DHX57: variants seen among roughly 807,000 people sequenced by gnomAD.
DHX57 encodes putative ATP-dependent RNA helicase DHX57.
In DHX57, 105 loss-of-function variants were observed where a neutral mutation model predicts 156.2. The ratio of observed to expected loss-of-function variants is 0.67; its 90% CI spans 0.57 to 0.79. The LOEUF (loss-of-function observed/expected upper bound fraction) is 0.79. Ranked by LOEUF, DHX57 falls within the 30% of genes least tolerant of loss-of-function variation. DHX57 has a pLI of 0.00. For missense variants in DHX57, 1,847 were observed against 1,661.9 expected, an observed-to-expected ratio of 1.11 and a Z score of -1.94; for synonymous variants, 704 against 595.6, an observed-to-expected ratio of 1.18 and a Z score of -2.65.
At chr2:38,827,866 A>T (rs2124822203) in intron 14 of DHX57, among the ~76,000 whole-genome samples, 2 of 151,952 alleles carry the variant, frequency 1.3e-5, no homozygotes, top group South Asian at 4.2e-4. Context: ...AGTGAAGAGA[A>T]TTTTTTTGAA....
chr2:38,804,477 G>C (rs1459858989), intron 22 of DHX57, among the ~76,000 whole-genome samples: 1 of 152,118 alleles, frequency 6.6e-6, no homozygotes, highest in Non-Finnish European at 1.5e-5. Context: ...GTGACAGAGA[G>C]AGACTCTGTC....
intron 21 of DHX57, among the ~76,000 whole-genome samples, chr2:38,807,915 G>C (rs909669809): frequency 6.7e-6 from 1 of 149,210 alleles, no homozygotes; most frequent in African/African-American, 2.5e-5. Context: ...CAAAGTGCTG[G>C]GATTACAGGC....
Position 38,861,083 on chromosome 2 carries a change from G to T in DHX57, c.1327C>A (p.Pro443Thr), listed in dbSNP as rs1317125445. The T allele has an allele frequency of 5.6e-6, 9 of 1,614,208 alleles. No individual in the cohort carries two copies. Among genetic ancestry groups the T allele is most frequent in the Non-Finnish European group, 7.6e-6 (9 of 1,180,032 alleles). ...GGATTATTTATTCTGGTCCTAGAGG[G>T]TACTGGCAGAAAGTTCACAGGAGGG... Reference protein sequence around the residue: ...SDPPVNFLPVPSRTRINNPAC... With the variant: ...SDPPVNFLPVTSRTRINNPAC... The change falls in exon 5 of 24, where the codon CCC becomes ACC. Residue 443 changes from proline (P) to threonine (T), a missense_variant. Coordinates refer to ENST00000457308, the MANE Select transcript of DHX57 (RefSeq NM_198963.3).
At chr2:38,812,752 C>T (rs1278194733) in intron 21 of DHX57, among the ~76,000 whole-genome samples, 4 of 151,574 alleles carry the variant, frequency 2.6e-5, no homozygotes, top group Admixed American at 2.0e-4. Context: ...AGGCTGGCCT[C>T]GAACTCCTGA....
rs766513393 is a variant in DHX57 at position 38,815,513 on chromosome 2, T to C, written c.3606+8A>G. 39 of 1,613,990 alleles carry C rather than the reference T, an allele frequency of 2.4e-5. No individual in the cohort carries two copies. Among genetic ancestry groups the C allele is most frequent in the Non-Finnish European group, 3.3e-5 (39 of 1,179,896 alleles). ...AAGAGAAATGAGAACCAACTCCACA[T>C]TCTTTACCTCTTCTCCTGTGGCATC... On this transcript the variant is annotated splice_region_variant and intron_variant, in intron 20 of 23. Transcript: ENST00000457308.
At chr2:38,838,454 C>A (rs1231902330) in intron 12 of DHX57, among the ~76,000 whole-genome samples, 3 of 152,132 alleles carry the variant, frequency 2.0e-5, no homozygotes, top group East Asian at 3.9e-4. Flanking sequence ...TTTGCTTGAA[C>A]AATGACCCAA....
chr2:38,848,296 T>G lies in DHX57; in HGVS notation c.2137A>C (p.Asn713His). 6.2e-7 allele frequency: 1 copy of G among 1,607,780 alleles called. No individual in the cohort carries two copies. The highest frequency in any genetic ancestry group is 8.5e-7 in the Non-Finnish European group (1 of 1,177,746). ...GGTATAGTAATAACGGGGCAGGAAT[T>G]AAAATAGTCTGAAAAAAGCTCAGCG... ...LNAELFSDYF[N>H]SCPVITIPGR... is the part of the protein sequence containing the mutation. Residue 713 changes from asparagine to histidine, a missense_variant, in exon 10 of 24, where the codon AAT becomes CAT. Physicochemically the swap from Asn to His is moderately conservative, Grantham distance 68. Transcript: ENST00000457308.
Position 38,856,402 on chromosome 2 carries a change from T to A in DHX57, c.1647A>T (p.Glu549Asp), listed in dbSNP as rs761103993. The A allele has an allele frequency of 5.6e-6, 9 of 1,613,968 alleles. No homozygotes were observed. In the African/African-American group the frequency reaches 1.1e-4, roughly 19 times the overall value. The change falls in exon 7 of 24, where the codon GAA becomes GAT. Residue 549 changes from glutamate to aspartate, a missense_variant. Coordinates refer to ENST00000457308, the MANE Select transcript of DHX57 (RefSeq NM_198963.3). Reference protein sequence around the residue: ...QERQSLPAWEERETILNLLRK... With the variant: ...QERQSLPAWEDRETILNLLRK... The stretch of plus-strand genomic sequence containing the variant: ...GCAATAAGTTAAGAATGGTTTCTCT[T>A]TCTTCCCAAGCAGGGAGTGATTGCC...
chr2:38,799,290 T>G (rs972406314), intron 23 of DHX57, among the ~76,000 whole-genome samples: 5 of 146,820 alleles, frequency 3.4e-5, no homozygotes, highest in African/African-American at 1.3e-4. Context: ...CGCTTGAACC[T>G]GGGAGGTGGA....
Position 38,847,034 on chromosome 2 carries a change from G to T in DHX57, c.2204C>A (p.Ala735Glu). 2 of 1,612,892 alleles carry T rather than the reference G, an allele frequency of 1.2e-6. No homozygotes were observed. The highest frequency in any genetic ancestry group is 1.7e-6 in the Non-Finnish European group (2 of 1,179,402). The change falls in exon 11 of 24, where the codon GCA becomes GAA. Residue 735 changes from alanine to glutamate, a missense_variant. Physicochemically the swap from Ala to Glu is moderately radical, Grantham distance 107. Coordinates refer to ENST00000457308, the MANE Select transcript of DHX57 (RefSeq NM_198963.3). ...FPVDQFFLED[A>E]IAVTRYVLQD... ...TCTTCCTTACCTTGTCACAGCAATT[G>T]CATCTTCCAAAAAAAATTGATCAAC...
intron 19 of DHX57, among the ~76,000 whole-genome samples, chr2:38,816,991 C>A (rs1335939135): frequency 6.6e-6 from 1 of 152,158 alleles, no homozygotes; most frequent in Non-Finnish European, 1.5e-5. Flanking sequence ...GAAAATATTT[C>A]TTATTGCCCT....
chr2:38,840,791 A>G (rs1671952500), intron 12 of DHX57, among the ~76,000 whole-genome samples: 1 of 152,132 alleles, frequency 6.6e-6, no homozygotes, highest in South Asian at 2.1e-4. Context: ...ATAATTTTAA[A>G]AGAAAACTCC....
rs754870859 is a variant in DHX57 at position 38,856,452 on chromosome 2, G to C, written c.1597C>G (p.Gln533Glu). Residue 533 changes from glutamine to glutamate, a missense_variant, in exon 7 of 24, where the codon CAG becomes GAG. Gln to Glu is a conservative substitution (Grantham distance 29). Transcript: ENST00000457308. ...KQFRMKQASR[Q>E]FQSILQERQS... ...CTCTCTTGCAGAATGGACTGGAACT[G>C]TCTGGAAGCCTAATAAAATCAAAGA... is the stretch of plus-strand genomic sequence containing the variant. 1.9e-6 allele frequency: 3 copies of C among 1,593,776 alleles called. No homozygotes were observed. The highest frequency in any genetic ancestry group is 8.5e-7 in the Non-Finnish European group (1 of 1,174,918).
chr2:38,801,072 A>C (rs1669657303), intron 23 of DHX57, among the ~76,000 whole-genome samples: 1 of 152,200 alleles, frequency 6.6e-6, no homozygotes, highest in African/African-American at 2.4e-5. Context: ...AAATGTGGCT[A>C]CTAGAACAAT....
At chr2:38,820,938 T>A (rs192594909) in intron 17 of DHX57, among the ~76,000 whole-genome samples, 1 of 149,964 alleles carries the variant, frequency 6.7e-6, no homozygotes, top group East Asian at 1.9e-4. Context: ...TCTTCTCAAG[T>A]ATACGTGGAA....
chr2:38,816,527 T>C (rs1035849636), intron 19 of DHX57, among the ~76,000 whole-genome samples: 2 of 152,152 alleles, frequency 1.3e-5, no homozygotes, highest in Non-Finnish European at 2.9e-5. Flanking sequence ...TGGTTTAAGA[T>C]TGAGATGCTC....
chr2:38,875,908 T>C lies in DHX57; in HGVS notation c.-128A>G, dbSNP rs550282639. The stretch of plus-strand genomic sequence containing the variant: ...TGGAGCAGCCCTGCGGTGGCCCAGC[T>C]GCAGCGGCACAGTCCCGGCGCCTTC... On this transcript the variant is annotated 5_prime_UTR_variant, in exon 1 of 24. Transcript: ENST00000457308. The C allele has an allele frequency of 2.5e-6, 1 of 396,752 alleles. No individual in the cohort carries two copies. Among genetic ancestry groups the C allele is most frequent in the Non-Finnish European group, 4.4e-6 (1 of 225,442 alleles). The allele number at this position is 396,752 out of a possible 1,614,324, so 24.6% of individuals were successfully genotyped here.
intron 1 of DHX57, 110 bp from the exon 2 acceptor site, chr2:38,868,521 C>T (rs1157041806): frequency 4.1e-5 from 46 of 1,124,870 alleles, no homozygotes; most frequent in East Asian, 2.4e-5. Context: ...AAGGAAAATG[C>T]ATATGTAAAA....
chr2:38,826,005 A>C lies in DHX57; in HGVS notation c.2856T>G (p.Phe952Leu), dbSNP rs201583373. The change falls in exon 16 of 24, where the codon TTT becomes TTG. Residue 952 changes from phenylalanine (F) to leucine (L), a missense_variant. Transcript: ENST00000457308. ...SKGMESLEDT[F>L]VSQANALQRK... ...TTTGTAGAGCATTAGCTTGAGATAC[A>C]AAGGTGTCCTCTAGACTTTCCATCC... The C allele has an allele frequency of 2.5e-4, 405 of 1,614,238 alleles. 1 individual carries two copies. In the South Asian group the frequency reaches 3.8e-3, roughly 15 times the overall value.
Sources: gnomAD v4.1 joint callset for allele counts (sites outside exome capture counted in the v4.1 genomes callset) on GRCh38, gnomAD v4.1.1 for gene constraint, MANE v1.5 for transcripts, NCBI Gene and HGNC (gene_info 2026-07-23, HGNC 2026-07-21) for gene names.